Variants in LIMCH1 observed in about 807,000 individuals in gnomAD.
LIMCH1 encodes LIM and calponin homology domains 1.
In LIMCH1, 113 loss-of-function variants were observed where a neutral mutation model predicts 176.5. That is an observed-to-expected ratio of 0.64 (90% CI 0.55 to 0.75). LIMCH1 has a LOEUF of 0.75. Among genes scored for constraint, LIMCH1 ranks in the 30% least tolerant of loss-of-function variants. The probability of loss-of-function intolerance (pLI) is 0.00; values close to 1 mark genes in which losing one functional copy is unlikely to be tolerated. For missense variants in LIMCH1, 1,674 were observed against 1,814.9 expected (o/e 0.92, Z 1.41); for synonymous variants, 619 against 645.9 (o/e 0.96, Z 0.63).
Position 41,650,595 on chromosome 4 carries a change from C to T in LIMCH1, c.3023C>T (p.Pro1008Leu), listed in dbSNP as rs558410027. ...EINIKKPNSVPQELAATTEKT... is the reference protein window; with the variant it reads ...EINIKKPNSVLQELAATTEKT... ...AACATAAAGAAGCCAAACTCTGTTC[C>T]CCAAGAGCTCGCAGTAAGAACCAAA... The change falls in exon 18 of 32, where the codon CCC (proline) becomes CTC (leucine). Residue 1008 changes from proline (P) to leucine (L), a missense_variant. Around this residue, in one of 3 missense-constraint regions of LIMCH1, gnomAD observed 1,015 missense variants for 1,102.5 expected, o/e 0.92. Transcript: ENST00000503057. 1.1e-5 allele frequency: 17 copies of T among 1,613,194 alleles called. No individual in the cohort carries two copies. In the South Asian group the frequency reaches 1.7e-4, roughly 16 times the overall value.
chr4:41,580,510 A>G (rs891345790), intron 1 of LIMCH1, among the ~76,000 whole-genome samples: 1 of 152,212 alleles, frequency 6.6e-6, no homozygotes, highest in Non-Finnish European at 1.5e-5. Context: ...CAGAGAAGAA[A>G]GAAAAAAGAA....
At chr4:41,658,165 C>A (rs940870058) in intron 18 of LIMCH1, among the ~76,000 whole-genome samples, 1 of 152,172 alleles carries the variant, frequency 6.6e-6, no homozygotes, top group Non-Finnish European at 1.5e-5. Context: ...GCCTCAGTTT[C>A]TTCACTTGTA....
intron 17 of LIMCH1, 67 bp downstream of exon 17, chr4:41,646,960 T>G: frequency 7.2e-7 from 1 of 1,382,796 alleles, no homozygotes; most frequent in Non-Finnish European, 1.0e-6. Flanking sequence ...AGAAGCATCA[T>G]GACTCAAGAA....
chr4:41,397,119 A>G (rs2057885638), intron 1 of LIMCH1, among the ~76,000 whole-genome samples: 1 of 152,114 alleles, frequency 6.6e-6, no homozygotes, highest in South Asian at 2.1e-4. Flanking sequence ...TGGTTTGGTC[A>G]TGGCTAATGT....
At chr4:41,587,271 C>T (rs1166281693) in intron 1 of LIMCH1, among the ~76,000 whole-genome samples, 2 of 152,196 alleles carry the variant, frequency 1.3e-5, no homozygotes, top group African/African-American at 4.8e-5. Context: ...TCTCATTTTC[C>T]TTCTTTTGGA....
chr4:41,511,297 C>A (rs1262186163), intron 2 of LIMCH1, among the ~76,000 whole-genome samples: 1 of 152,126 alleles, frequency 6.6e-6, no homozygotes, highest in Non-Finnish European at 1.5e-5. Context: ...TGCTGTATTC[C>A]CTGTCCATTT....
rs759313591 is a variant in LIMCH1, at chr4:41,463,564, CT to C, written c.97-30958del. 9.9e-3 allele frequency among the ~76,000 whole-genome samples: 1,392 copies of C among 141,210 alleles called. 6 individuals are homozygous for C. The highest frequency in any genetic ancestry group is 0.017 in the African/African-American group (651 of 38,810). 92.6% of individuals were successfully genotyped at this position (141,210 alleles called of 152,430 possible). A position where few individuals can be genotyped will look rare whatever the true frequency, so the allele number is the denominator to read the frequency against. On this transcript the variant is annotated intron_variant, in intron 1 of 26. Coordinates refer to the LIMCH1 transcript ENST00000313860. ...TCCCTACCCCTCACTTCTCCCAATC[CT>C]TTTTTTTTTTTTTAACTTTTATTTT...
chr4:41,616,413 C>T (rs1444128586), intron 5 of LIMCH1, among the ~76,000 whole-genome samples: 1 of 152,004 alleles, frequency 6.6e-6, no homozygotes, highest in Non-Finnish European at 1.5e-5. Context: ...CCTGTAATTC[C>T]AGCTACTCAG....
chr4:41,669,584 C>T (rs901184053), intron 21 of LIMCH1, among the ~76,000 whole-genome samples: 1 of 152,156 alleles, frequency 6.6e-6, no homozygotes, highest in East Asian at 1.9e-4. Flanking sequence ...GCACATCTCA[C>T]CACACTCTGA....
chr4:41,554,352 A>T (rs563790799), intron 1 of LIMCH1, among the ~76,000 whole-genome samples: 1 of 152,260 alleles, frequency 6.6e-6, no homozygotes, highest in South Asian at 2.1e-4. Flanking sequence ...GGACTGCTCC[A>T]CATACCTCTC....
At chr4:41,546,091 A>C (rs2079344721) in intron 1 of LIMCH1, among the ~76,000 whole-genome samples, 1 of 152,192 alleles carries the variant, frequency 6.6e-6, no homozygotes, top group South Asian at 2.1e-4. Flanking sequence ...ATGTTATAGA[A>C]ATAGAAAACT....
At chr4:41,526,875 C>CT (rs2076713962) in intron 3 of LIMCH1, among the ~76,000 whole-genome samples, 1 of 152,232 alleles carries the variant, frequency 6.6e-6, no homozygotes, top group Non-Finnish European at 1.5e-5. Context: ...TCTGCATTTC[C>CT]TTGGCCACTG....
At chr4:41,452,267 C>T (rs2063977696) in intron 1 of LIMCH1, among the ~76,000 whole-genome samples, 1 of 152,098 alleles carries the variant, frequency 6.6e-6, no homozygotes, top group Non-Finnish European at 1.5e-5. Context: ...TAACTGTTTC[C>T]AGCCCTCATT....
intron 1 of LIMCH1, among the ~76,000 whole-genome samples, chr4:41,589,199 A>G (rs1312410546): frequency 2.0e-5 from 3 of 152,194 alleles, no homozygotes; most frequent in Admixed American, 6.5e-5. Flanking sequence ...AGAATCCTGG[A>G]AGAAGAGGGA....
intron 1 of LIMCH1, among the ~76,000 whole-genome samples, chr4:41,441,670 T>C (rs961512518): frequency 3.9e-5 from 6 of 152,212 alleles, no homozygotes; most frequent in Admixed American, 2.0e-4. Flanking sequence ...TTCTGAATAG[T>C]GCCATTTCAT....
At chr4:41,578,850 C>G (rs906962489) in intron 1 of LIMCH1, among the ~76,000 whole-genome samples, 3 of 151,904 alleles carry the variant, frequency 2.0e-5, no homozygotes, top group Admixed American at 6.6e-5. Flanking sequence ...TACAGGCATG[C>G]AAACCCACAC....
intron 25 of LIMCH1, among the ~76,000 whole-genome samples, chr4:41,681,365 G>A (rs1195196392): frequency 1.3e-5 from 2 of 152,100 alleles, no homozygotes; most frequent in African/African-American, 2.4e-5. Context: ...GTCATATTGT[G>A]GAATATCCTT....
At position 41,685,653 on chromosome 4, in the gene LIMCH1, C is replaced by T. The variant is rs1156333464; in HGVS notation, c.3968-57C>T. The T allele has an allele frequency of 5.6e-6, 9 of 1,602,884 alleles. No individual in the cohort carries two copies. In the Admixed American group the frequency reaches 6.8e-5, roughly 12 times the overall value. On this transcript the variant is annotated intron_variant, in intron 27 of 31. Transcript: ENST00000503057. ...TAGCACTTTAAAGAAAGGTGACTTC[C>T]TAGGTAGTAAGGTGATTTTACTGTG...
At chr4:41,451,826 C>T (rs979969287) in intron 1 of LIMCH1, among the ~76,000 whole-genome samples, 1 of 152,152 alleles carries the variant, frequency 6.6e-6, no homozygotes, top group Non-Finnish European at 1.5e-5. Flanking sequence ...CCTTTCCTTT[C>T]GTCTTTTTTA....
Sources: gnomAD v4.1 joint callset for allele counts (sites outside exome capture counted in the v4.1 genomes callset) on GRCh38, gnomAD v4.1.1 for gene constraint, gnomAD v4.1.1 regional missense constraint, MANE v1.5 for transcripts, NCBI Gene and HGNC (gene_info 2026-07-23, HGNC 2026-07-21) for gene names.